GHDC: variants seen among roughly 807,000 people sequenced by gnomAD.
The protein encoded by GHDC is GH3 domain-containing protein.
In GHDC, 39 loss-of-function variants were observed where a neutral mutation model predicts 51.5. That is an observed-to-expected ratio of 0.76 (90% CI 0.59 to 0.99). GHDC has a LOEUF of 0.99. GHDC is among the 50% of genes least tolerant of loss of function. The pLI is 0.00. For missense variants in GHDC, 610 were observed against 672.8 expected (o/e 0.91, Z 1.03); for synonymous variants, 282 against 305.2 (o/e 0.92, Z 0.79).
Position 42,189,759 on chromosome 17 carries a change from G to C in GHDC, c.1537C>G (p.Arg513Gly), listed in dbSNP as rs140765209. ...PSSPFPPAMP[R>G]VLRHRHLAQC... ...GCCAGGTGCCTGTGCCGAAGGACCC[G>C]GGGCATCGCAGGGGGGAAGGGGGAG... Residue 513 changes from arginine to glycine, a missense_variant, in exon 10 of 10, where the codon CGG (arginine) becomes GGG (glycine). This residue lies in a region of GHDC where 412 missense variants were observed against 410.4 expected (regional missense o/e 1.00). Transcript: ENST00000587427. 1.3e-6 allele frequency: 2 copies of C among 1,530,468 alleles called. No homozygotes were observed. Among genetic ancestry groups the C allele is most frequent in the Non-Finnish European group, 1.8e-6 (2 of 1,139,120 alleles). 94.8% of individuals were successfully genotyped at this position (1,530,468 alleles called of 1,614,324 possible). A position where few individuals can be genotyped will look rare whatever the true frequency, so the allele number is the denominator to read the frequency against.
Position 42,192,888 on chromosome 17 carries a change from C to G in GHDC, c.387+18G>C, listed in dbSNP as rs1398521647. Reference sequence around the variant, plus strand: ...ACTGGGCTGTGGCCAGGACTGGGCTCTGGCCATCCTAGATTACCTGCAGAG... The same window carrying G: ...ACTGGGCTGTGGCCAGGACTGGGCTGTGGCCATCCTAGATTACCTGCAGAG... On this transcript the variant is annotated intron_variant, in intron 4 of 9. Transcript: ENST00000587427. 6 of 1,613,298 alleles carry G rather than the reference C, an allele frequency of 3.7e-6. No individual in the cohort carries two copies. The South Asian group carries it at 4.4e-5, about 12-fold the overall frequency.
At position 42,192,579 on chromosome 17, in the gene GHDC, GC is replaced by G. The variant is rs751534926; in HGVS notation, c.550del (p.Ala184ProfsTer7). On this transcript the variant is annotated frameshift_variant, in exon 5 of 10. Transcript: ENST00000587427. LOFTEE classifies it high-confidence loss of function. ...GGACCTCAGTGCGTCCAGCAGCAGG[GC>G]CCTAGGGTCCTTGGTTCCAGGGGTG... ...VGTPGTKDPR[A>X]LLLDALRSPG... 1.2e-6 allele frequency: 2 copies of G among 1,613,728 alleles called. No homozygotes were observed. The highest frequency in any genetic ancestry group is 1.7e-6 in the Non-Finnish European group (2 of 1,180,040).
chr17:42,190,802 A>G (rs1163775952), intron 7 of GHDC, 30 bp downstream of exon 7: 1 of 1,613,788 alleles, frequency 6.2e-7, no homozygotes, highest in East Asian at 2.2e-5. Flanking sequence ...GGACACAAGG[A>G]TGGCCCTTCA....
chr17:42,190,006 G>T (rs1278649192), intron 9 of GHDC, 85 bp from the exon 10 acceptor site: 2 of 1,359,960 alleles, frequency 1.5e-6, no homozygotes, highest in East Asian at 2.4e-5. Context: ...GGCTACATGT[G>T]TTTAGAAGTT....
rs772179089 is a variant in GHDC at position 42,192,350 on chromosome 17, C to T, written c.780G>A (p.Gln260=). Reference sequence around the variant, plus strand: ...CTCCTGCATCCAGAGTCACCACCACCTGCAGCTTTGGCCAGAGCCGAAGGG... The same window carrying T: ...CTCCTGCATCCAGAGTCACCACCACTTGCAGCTTTGGCCAGAGCCGAAGGG... ...GLALRLWPKL[Q]VVVTLDAGGQ... is the part of the protein sequence containing the mutation. Residue 260 remains glutamine (Q), a synonymous_variant, in exon 5 of 10, where the codon CAG becomes CAA. Coordinates refer to ENST00000587427, the MANE Select transcript of GHDC (RefSeq NM_032484.5). 2 of 1,613,210 alleles carry T rather than the reference C, an allele frequency of 1.2e-6. No homozygotes were observed. Among genetic ancestry groups the T allele is most frequent in the Non-Finnish European group, 1.7e-6 (2 of 1,179,894 alleles).
rs770286745 is a variant in GHDC, at chr17:42,189,835, C to G, written c.1461G>C (p.Val487=). ...GGAGTGCTCGGAAGGCTCCCTGCCCCACCAGGTGGACTCTGGCAGGGCCCA... is the reference window on the plus strand; with the variant it reads ...GGAGTGCTCGGAAGGCTCCCTGCCCGACCAGGTGGACTCTGGCAGGGCCCA... ...GSVGPARVHL[V]GQGAFRALRA... is the part of the protein sequence containing the mutation. Residue 487 remains valine (V), a synonymous_variant, in exon 10 of 10, where the codon GTG becomes GTC. Transcript: ENST00000587427. The G allele has an allele frequency of 6.4e-7, 1 of 1,560,600 alleles. No individual in the cohort carries two copies. Among genetic ancestry groups the G allele is most frequent in the Admixed American group, 1.9e-5 (1 of 52,032 alleles).
chr17:42,189,808 C>G lies in GHDC; in HGVS notation c.1488G>C (p.Arg496=). 6.4e-7 allele frequency: 1 copy of G among 1,557,388 alleles called. No individual in the cohort carries two copies. The highest frequency in any genetic ancestry group is 8.7e-7 in the Non-Finnish European group (1 of 1,151,674). ...AGGAGGGGCAGGCAGCGAGGGCTGCCCGGAGTGCTCGGAAGGCTCCCTGCC... is the reference window on the plus strand; with the variant it reads ...AGGAGGGGCAGGCAGCGAGGGCTGCGCGGAGTGCTCGGAAGGCTCCCTGCC... ...LVGQGAFRAL[R]AALAACPSSP... is the part of the protein sequence containing the mutation. The change falls in exon 10 of 10, where the codon CGG becomes CGC. Residue 496 remains arginine, a synonymous_variant. Coordinates refer to ENST00000587427, the MANE Select transcript of GHDC (RefSeq NM_032484.5).
chr17:42,192,575 C>T lies in GHDC; in HGVS notation c.555G>A (p.Leu185=), dbSNP rs767872867. The change falls in exon 5 of 10, where the codon CTG becomes CTA. Residue 185 remains leucine (L), a synonymous_variant. Transcript: ENST00000587427. ...GTPGTKDPRA[L]LLDALRSPGL... ...CTGGGGACCTCAGTGCGTCCAGCAG[C>T]AGGGCCCTAGGGTCCTTGGTTCCAG... The T allele has an allele frequency of 2.2e-5, 36 of 1,613,650 alleles. No individual in the cohort carries two copies. The highest frequency in any genetic ancestry group is 1.6e-4 in the Middle Eastern group (1 of 6,084).
Position 42,190,660 on chromosome 17 carries a change from G to T in GHDC, c.1252C>A (p.Leu418Met). The change falls in exon 8 of 10, where the codon CTG (leucine) becomes ATG (methionine). Residue 418 changes from leucine to methionine, a missense_variant. Leu to Met is a conservative substitution (Grantham distance 15). Around this residue, in one of 2 missense-constraint regions of GHDC, gnomAD observed 412 missense variants for 410.4 expected, o/e 1.00. Transcript: ENST00000587427. ...CTCTCCACACAGCCATGGTCCAGCA[G>T]CTTGGCCCCCGCCCACTGCCCCACT... Reference protein sequence around the residue: ...RAVGQWAGAKLLDHGCVESSI... With the variant: ...RAVGQWAGAKMLDHGCVESSI... 6.2e-7 allele frequency: 1 copy of T among 1,613,434 alleles called. No homozygotes were observed. Among genetic ancestry groups the T allele is most frequent in the South Asian group, 1.1e-5 (1 of 91,080 alleles).
At chr17:42,193,074 A>G (rs1555546672) in intron 3 of GHDC, 47 bp from the exon 4 acceptor site, 1 of 1,613,796 alleles carries the variant, frequency 6.2e-7, no homozygotes, top group Non-Finnish European at 8.5e-7. Flanking sequence ...CCAGTTTCCC[A>G]AGAGTTTCAG....
At chr17:42,191,691 C>T (rs917108306) in intron 5 of GHDC, among the ~76,000 whole-genome samples, 3 of 150,988 alleles carry the variant, frequency 2.0e-5, no homozygotes, top group Admixed American at 6.6e-5. Flanking sequence ...CTCCTAACTT[C>T]AGGTGATCCA....
At position 42,189,748 on chromosome 17, in the gene GHDC, C is replaced by T; in HGVS notation, c.1548G>A (p.Arg516=). The T allele has an allele frequency of 6.6e-7, 1 of 1,516,648 alleles. No individual in the cohort carries two copies. Among genetic ancestry groups the T allele is most frequent in the Non-Finnish European group, 8.8e-7 (1 of 1,132,702 alleles). 93.9% of individuals were successfully genotyped at this position (1,516,648 alleles called of 1,614,324 possible). A position where few individuals can be genotyped will look rare whatever the true frequency, so the allele number is the denominator to read the frequency against. Residue 516 remains arginine, a synonymous_variant, in exon 10 of 10, where the codon CGG becomes CGA. Transcript: ENST00000587427. ...PFPPAMPRVL[R]HRHLAQCLQE... ...GCAGACACTGGGCCAGGTGCCTGTG[C>T]CGAAGGACCCGGGGCATCGCAGGGG... is the stretch of plus-strand genomic sequence containing the variant.
In GHDC at chr17:42,189,704, CAGGA is replaced by C; in HGVS notation, c.1588_1591del (p.Ser530GlufsTer33). The C allele has an allele frequency of 6.9e-7, 1 of 1,450,538 alleles. No homozygotes were observed. 89.9% of individuals were successfully genotyped at this position (1,450,538 alleles called of 1,614,324 possible). ...CTGGGCGGTGGGGCAGGACTTGACT[CAGGA>C]CACCACCCTCTCCTGCAGACACTGG... is the stretch of plus-strand genomic sequence containing the variant. On this transcript the variant is annotated frameshift_variant and stop_lost, in exon 10 of 10. Coordinates refer to ENST00000587427, the MANE Select transcript of GHDC (RefSeq NM_032484.5). LOFTEE classifies it high-confidence loss of function.
intron 2 of GHDC, 48 bp downstream of exon 2, chr17:42,193,719 G>T: frequency 8.5e-7 from 1 of 1,175,366 alleles, no homozygotes; most frequent in Non-Finnish European, 1.2e-6. Flanking sequence ...ACCCTGTGGG[G>T]CAGGTGATGC....
In GHDC at chr17:42,192,398, T is replaced by C. The variant is rs769704057; in HGVS notation, c.732A>G (p.Leu244=). Residue 244 remains leucine, a synonymous_variant, in exon 5 of 10, where the codon CTA becomes CTG. Coordinates refer to ENST00000587427, the MANE Select transcript of GHDC (RefSeq NM_032484.5). Reference sequence around the variant, plus strand: ...GGGCCAGTCCCCGTGGCCCCTGCTCTAGGGCCTCCCGGAGCTCAGCTGCCC... The same window carrying C: ...GGGCCAGTCCCCGTGGCCCCTGCTCCAGGGCCTCCCGGAGCTCAGCTGCCC... The part of the protein sequence containing the change: ...RERAAELREA[L]EQGPRGLALR... 4 of 1,613,032 alleles carry C rather than the reference T, an allele frequency of 2.5e-6. No individual in the cohort carries two copies. Among genetic ancestry groups the C allele is most frequent in the Non-Finnish European group, 3.4e-6 (4 of 1,179,978 alleles).
At chr17:42,192,005 A>G (rs372271240) in intron 5 of GHDC, among the ~76,000 whole-genome samples, 1 of 149,750 alleles carries the variant, frequency 6.7e-6, no homozygotes, top group South Asian at 2.1e-4. Flanking sequence ...TCAACGATCC[A>G]TCCACCTTGG....
In GHDC at chr17:42,189,735, C is replaced by T; in HGVS notation, c.1561G>A (p.Ala521Thr). 1 of 1,509,232 alleles carries T rather than the reference C, an allele frequency of 6.6e-7. No individual in the cohort carries two copies. Among genetic ancestry groups the T allele is most frequent in the East Asian group, 2.4e-5 (1 of 42,380 alleles). The allele number at this position is 1,509,232 out of a possible 1,614,324, so 93.5% of individuals were successfully genotyped here. Residue 521 changes from alanine to threonine, a missense_variant, in exon 10 of 10, where the codon GCC (alanine) becomes ACC (threonine). By Grantham distance (58) the Ala-to-Thr change is moderately conservative. This residue lies in a region of GHDC where 412 missense variants were observed against 410.4 expected (regional missense o/e 1.00). Transcript: ENST00000587427. ...MPRVLRHRHL[A>T]QCLQERVVS ...ACCACCCTCTCCTGCAGACACTGGG[C>T]CAGGTGCCTGTGCCGAAGGACCCGG... is the stretch of plus-strand genomic sequence containing the variant.
chr17:42,189,355 C>A lies in GHDC; in HGVS notation c.*348G>T. On this transcript the variant is annotated 3_prime_UTR_variant, in exon 10 of 10. Transcript: ENST00000587427. ...TGGGGACATTAACCCCCCAACACTTCTAGCTTGCCCAGTGCACTGACTGAG... is the reference window on the plus strand; with the variant it reads ...TGGGGACATTAACCCCCCAACACTTATAGCTTGCCCAGTGCACTGACTGAG... 2.6e-6 allele frequency: 1 copy of A among 391,956 alleles called. No individual in the cohort carries two copies. Among genetic ancestry groups the A allele is most frequent in the Non-Finnish European group, 4.5e-6 (1 of 222,314 alleles). The allele number at this position is 391,956 out of a possible 1,614,324, so 24.3% of individuals were successfully genotyped here. A position where few individuals can be genotyped will look rare whatever the true frequency, so the allele number is the denominator to read the frequency against.
Position 42,193,469 on chromosome 17 carries a change from C to A in GHDC, c.113G>T (p.Arg38Leu). Residue 38 changes from arginine (R) to leucine (L), a missense_variant, in exon 3 of 10, where the codon CGA becomes CTA. Arg to Leu is a moderately radical substitution (Grantham distance 102). This residue lies in a region of GHDC where 198 missense variants were observed against 262.3 expected (regional missense o/e 0.75). Transcript: ENST00000587427. ...CCAGACCAGGGCCCCCCATGCCACTCGGTGCTGGAGGCCAGCAAGCCAGGA... is the reference window on the plus strand; with the variant it reads ...CCAGACCAGGGCCCCCCATGCCACTAGGTGCTGGAGGCCAGCAAGCCAGGA... ...RLSWLAGLQH[R>L]VAWGALVWAA... 6.4e-7 allele frequency: 1 copy of A among 1,556,450 alleles called. No homozygotes were observed. Among genetic ancestry groups the A allele is most frequent in the Non-Finnish European group, 8.7e-7 (1 of 1,150,128 alleles).
Sources: allele counts gnomAD v4.1 joint callset (sites outside exome capture counted in the v4.1 genomes callset), GRCh38; gene constraint gnomAD v4.1.1; regional missense constraint gnomAD v4.1.1; transcripts MANE v1.5; gene names NCBI Gene and HGNC (gene_info 2026-07-23, HGNC 2026-07-21).